Variants in CUX2 observed in about 807,000 individuals in gnomAD.
CUX2 encodes the protein homeobox protein cut-like 2.
Under a neutral mutation model 144.8 loss-of-function variants are expected in CUX2, and 40 were observed. The observed-to-expected ratio is 0.28, with a 90% confidence interval of 0.21 to 0.36. CUX2 has a LOEUF of 0.36. CUX2 is among the 10% of genes least tolerant of loss of function. The pLI is 1.00. For missense variants in CUX2, 1,615 were observed against 1,994.0 expected (o/e 0.81, Z 3.62); for synonymous variants, 827 against 875.6 (o/e 0.94, Z 0.98).
At position 111,035,414 on chromosome 12, in the gene CUX2, G is replaced by GC. The variant is rs1343784820; in HGVS notation, c.63+1176dup. 6.6e-6 allele frequency among the ~76,000 whole-genome samples: 1 copy of GC among 152,056 alleles called. No homozygotes were observed. The highest frequency in any genetic ancestry group is 2.4e-5 in the African/African-American group (1 of 41,406). ...AACGCACCGTGGAGGCGCGGCTCCG[G>GC]CCTCTGTTCTTTCCCGGAGTGCCCC... On this transcript the variant is annotated intron_variant, in intron 1 of 21. Transcript: ENST00000261726. The surrounding 1 kb of genome is among the most constrained non-coding windows in gnomAD (Gnocchi z 6.0).
intron 1 of CUX2, among the ~76,000 whole-genome samples, chr12:111,112,570 T>C (rs1341485487): frequency 6.6e-6 from 1 of 151,262 alleles, no homozygotes; most frequent in Non-Finnish European, 1.5e-5. Flanking sequence ...CAGGGGGACG[T>C]GGGGGGAACT....
At chr12:111,046,044 A>G (rs1348237715) in intron 1 of CUX2, among the ~76,000 whole-genome samples, 1 of 152,172 alleles carries the variant, frequency 6.6e-6, no homozygotes, top group African/African-American at 2.4e-5. Context: ...GTATCAGATG[A>G]GAGAAGCTCA....
intron 3 of CUX2, among the ~76,000 whole-genome samples, chr12:111,248,479 G>A (rs2136271406): frequency 6.6e-6 from 1 of 152,312 alleles, no homozygotes; most frequent in Admixed American, 6.5e-5. Flanking sequence ...ATAGGGGGAG[G>A]AGGTGGATGC....
intron 3 of CUX2, among the ~76,000 whole-genome samples, chr12:111,256,376 G>A (rs1337116533): frequency 6.6e-6 from 1 of 152,092 alleles, no homozygotes; most frequent in Non-Finnish European, 1.5e-5. Flanking sequence ...TCTCTGGGTT[G>A]CCTTTCCATT....
intron 1 of CUX2, among the ~76,000 whole-genome samples, chr12:111,096,922 A>G (rs547938624): frequency 1.1e-4 from 16 of 152,150 alleles, no homozygotes; most frequent in African/African-American, 3.9e-4. Flanking sequence ...GGTTGCAGTG[A>G]GCCAAGATCA....
chr12:111,040,934 A>G lies in CUX2; in HGVS notation c.63+6694A>G, dbSNP rs544750247. Among the ~76,000 whole-genome samples, 3 of 152,324 alleles carry G rather than the reference A, an allele frequency of 2.0e-5. No homozygotes were observed. The South Asian group carries it at 6.2e-4, about 32-fold the overall frequency. On this transcript the variant is annotated intron_variant, in intron 1 of 21. Coordinates refer to ENST00000261726, the MANE Select transcript of CUX2 (RefSeq NM_015267.4). ...TTGCCTGCCCTGGGTCTACTGGTCT[A>G]TGTCATGGCTGTCATATATAGGCTG...
chr12:111,137,279 A>T (rs977988969), intron 1 of CUX2, among the ~76,000 whole-genome samples: 6 of 152,188 alleles, frequency 3.9e-5, no homozygotes, highest in Non-Finnish European at 8.8e-5. Flanking sequence ...TGTAAAGTCC[A>T]CTGTAAAGGG....
chr12:111,272,145 T>C (rs1884670325), intron 4 of CUX2, among the ~76,000 whole-genome samples: 1 of 152,174 alleles, frequency 6.6e-6, no homozygotes, highest in Admixed American at 6.6e-5. Context: ...TGAAATATAA[T>C]AGATATTGAT....
intron 18 of CUX2, among the ~76,000 whole-genome samples, chr12:111,324,307 C>T (rs1887671320): frequency 6.7e-6 from 1 of 148,272 alleles, no homozygotes; most frequent in Non-Finnish European, 1.5e-5. Flanking sequence ...CTGAGATCCT[C>T]ACCATTGCGC....
intron 1 of CUX2, among the ~76,000 whole-genome samples, chr12:111,183,296 G>A (rs1449079814): frequency 6.6e-6 from 1 of 152,262 alleles, no homozygotes; most frequent in Non-Finnish European, 1.5e-5. Flanking sequence ...CCTCAGGCAG[G>A]CCTGGCATTT....
At chr12:111,314,401 G>A (rs117637975) in intron 16 of CUX2, among the ~76,000 whole-genome samples, 1,708 of 152,196 alleles carry the variant, frequency 0.011, 83 homozygotes, top group East Asian at 0.099. Flanking sequence ...CTGGGAGGCC[G>A]AGGCCAAGGC....
intron 1 of CUX2, among the ~76,000 whole-genome samples, chr12:111,129,904 C>T (rs559987999): frequency 6.6e-6 from 1 of 152,298 alleles, no homozygotes; most frequent in South Asian, 2.1e-4. Context: ...GGACCCCACT[C>T]AGCCCCACTG....
chr12:111,195,570 G>A (rs987112669), intron 1 of CUX2, among the ~76,000 whole-genome samples: 1 of 152,192 alleles, frequency 6.6e-6, no homozygotes, highest in African/African-American at 2.4e-5. Context: ...CTTGTGGACT[G>A]ACAGACACGA....
Position 111,034,224 on chromosome 12 carries a change from A to C in CUX2, c.47A>C (p.Asp16Ala). 7.2e-7 allele frequency: 1 copy of C among 1,396,208 alleles called. No homozygotes were observed. Among genetic ancestry groups the C allele is most frequent in the Non-Finnish European group, 9.6e-7 (1 of 1,045,928 alleles). The allele number at this position is 1,396,208 out of a possible 1,614,324, so 86.5% of individuals were successfully genotyped here. A position where few individuals can be genotyped will look rare whatever the true frequency, so the allele number is the denominator to read the frequency against. ...GSMFQYWKRF[D>A]LRRLQKELNS... The stretch of plus-strand genomic sequence containing the variant: ...ATGTTTCAATATTGGAAGCGATTTG[A>C]TCTACGGCGACTCCAGGTTAGTGCG... The change falls in exon 1 of 22, where the codon GAT (aspartate) becomes GCT (alanine). Residue 16 changes from aspartate (D) to alanine (A), a missense_variant. Asp to Ala is a moderately radical substitution (Grantham distance 126). Coordinates refer to ENST00000261726, the MANE Select transcript of CUX2 (RefSeq NM_015267.4). The surrounding 1 kb of genome is among the most constrained non-coding windows in gnomAD (Gnocchi z 4.2).
At chr12:111,080,496 A>G (rs1441314072) in intron 1 of CUX2, among the ~76,000 whole-genome samples, 1 of 150,106 alleles carries the variant, frequency 6.7e-6, no homozygotes, top group Admixed American at 6.6e-5. Flanking sequence ...ATGCAGCAAG[A>G]CCCCATCTCT....
At chr12:111,064,983 G>A (rs796788542) in intron 1 of CUX2, among the ~76,000 whole-genome samples, 20 of 152,306 alleles carry the variant, frequency 1.3e-4, no homozygotes, top group African/African-American at 4.8e-4. Context: ...TGTTTTTATA[G>A]TCTGTGTATA....
intron 3 of CUX2, among the ~76,000 whole-genome samples, chr12:111,261,895 A>T (rs1027015352): frequency 4.6e-5 from 7 of 152,072 alleles, no homozygotes; most frequent in African/African-American, 1.7e-4. Flanking sequence ...ACAGAGAAAG[A>T]CTCTGTCTCT....
rs544239018 is a variant in CUX2, at chr12:111,153,021, A to G, written c.64-61179A>G. On this transcript the variant is annotated intron_variant, in intron 1 of 21. Transcript: ENST00000261726. ...GGAACCCCGCAAAACAGTGGTGGAGATGGGGTGGTTATAGCTGGAGCAAAC... is the reference window on the plus strand; with the variant it reads ...GGAACCCCGCAAAACAGTGGTGGAGGTGGGGTGGTTATAGCTGGAGCAAAC... Among the ~76,000 whole-genome samples the G allele has an allele frequency of 2.4e-4, 37 of 152,280 alleles. No homozygotes were observed. In the South Asian group the frequency reaches 6.8e-3, roughly 28 times the overall value.
Position 111,320,348 on chromosome 12 carries a change from G to A in CUX2, c.2339G>A (p.Gly780Asp), listed in dbSNP as rs757694431. ...SIIRKVKSEIGDAGYFDHHWA... is the reference protein window; with the variant it reads ...SIIRKVKSEIDDAGYFDHHWA... ...ATCCGCAAGGTCAAGTCCGAGATCGGCGACGCCGGCTACTTCGACCACCAC... is the reference window on the plus strand; with the variant it reads ...ATCCGCAAGGTCAAGTCCGAGATCGACGACGCCGGCTACTTCGACCACCAC... The change falls in exon 17 of 22, where the codon GGC becomes GAC. Residue 780 changes from glycine to aspartate, a missense_variant. Transcript: ENST00000261726. This position sits in a 1 kb window ranked among gnomAD's most constrained non-coding sequence, Gnocchi z 8.1. 2 of 1,598,160 alleles carry A rather than the reference G, an allele frequency of 1.3e-6. No homozygotes were observed. Among genetic ancestry groups the A allele is most frequent in the Non-Finnish European group, 1.7e-6 (2 of 1,179,164 alleles).
Sources: allele counts gnomAD v4.1 joint callset (sites outside exome capture counted in the v4.1 genomes callset), GRCh38; gene constraint gnomAD v4.1.1; non-coding constraint Gnocchi (gnomAD v3.1); transcripts MANE v1.5; gene names NCBI Gene and HGNC (gene_info 2026-07-23, HGNC 2026-07-21).